SCFD2: variants seen among roughly 807,000 people sequenced by gnomAD.
The protein encoded by SCFD2 is sec1 family domain containing 2, also known as sec1 family domain-containing protein 2.
In SCFD2, 54 loss-of-function variants were observed where a neutral mutation model predicts 58.9. That is an observed-to-expected ratio of 0.92 (90% CI 0.74 to 1.15). The LOEUF is 1.15. Among genes scored for constraint, SCFD2 ranks in the 50% most tolerant of loss-of-function variants. SCFD2 has a pLI of 0.00. For synonymous variants in SCFD2, 321 were observed against 335.9 expected (o/e 0.96, Z 0.49); for missense variants, 805 against 836.6 (o/e 0.96, Z 0.47).
chr4:53,058,512 C>T (rs113728559), intron 5 of SCFD2, among the ~76,000 whole-genome samples: 1,623 of 152,204 alleles, frequency 0.011, 30 homozygotes, highest in African/African-American at 0.037. Flanking sequence ...TTGGTATCAC[C>T]TGGAAAGCTT....
At chr4:53,036,870 A>T (rs187836592) in intron 5 of SCFD2, among the ~76,000 whole-genome samples, 1 of 152,232 alleles carries the variant, frequency 6.6e-6, no homozygotes, top group Admixed American at 6.5e-5. Flanking sequence ...CATCTACATG[A>T]TTCCATTTTT....
chr4:52,978,413 A>G (rs1463918192), intron 5 of SCFD2, among the ~76,000 whole-genome samples: 1 of 152,178 alleles, frequency 6.6e-6, no homozygotes, highest in Non-Finnish European at 1.5e-5. Flanking sequence ...AATTATGTAT[A>G]TCTTAGCCCA....
rs1371822869 is a variant in SCFD2 at position 53,365,351 on chromosome 4, C to G, written c.591G>C (p.Leu197=). 8 of 1,614,078 alleles carry G rather than the reference C, an allele frequency of 5.0e-6. No individual in the cohort carries two copies. Among genetic ancestry groups the G allele is most frequent in the Non-Finnish European group, 6.8e-6 (8 of 1,180,042 alleles). Residue 197 remains leucine (L), a synonymous_variant, in exon 1 of 9, where the codon CTG becomes CTC. Coordinates refer to ENST00000401642, the MANE Select transcript of SCFD2 (RefSeq NM_152540.4). This position sits in a 1 kb window ranked among gnomAD's most constrained non-coding sequence, Gnocchi z 4.3. ...TGGAGTCCACATCACCCAGGCTTCC[C>G]AGCTTCCTCTTGTCCGGTCGGGCGC... ...LNSARPDKRK[L]GSLGDVDSTT...
intron 1 of SCFD2, among the ~76,000 whole-genome samples, chr4:53,353,771 A>T (rs1734313323): frequency 7.1e-6 from 1 of 141,114 alleles, no homozygotes; most frequent in Admixed American, 6.8e-5. Flanking sequence ...TGAGCTAGAC[A>T]CAGGGTGCTG....
intron 4 of SCFD2, among the ~76,000 whole-genome samples, chr4:53,217,607 C>T (rs1227011067): frequency 6.6e-6 from 1 of 152,136 alleles, no homozygotes; most frequent in Non-Finnish European, 1.5e-5. Context: ...ATTTGCCAGT[C>T]TGTGTCTTTT....
chr4:52,961,973 C>G (rs540428294), intron 5 of SCFD2, among the ~76,000 whole-genome samples: 47 of 152,288 alleles, frequency 3.1e-4, no homozygotes, highest in Non-Finnish European at 5.0e-4. Flanking sequence ...GAACTGACCC[C>G]ACGTTGGTGA....
At chr4:53,152,458 C>A (rs1384631518) in intron 4 of SCFD2, among the ~76,000 whole-genome samples, 1 of 152,116 alleles carries the variant, frequency 6.6e-6, no homozygotes, top group Non-Finnish European at 1.5e-5. Flanking sequence ...TGAATATTAA[C>A]ATAAACACTA....
chr4:53,054,522 A>C (rs1723269076), intron 5 of SCFD2, among the ~76,000 whole-genome samples: 1 of 152,206 alleles, frequency 6.6e-6, no homozygotes, highest in African/African-American at 2.4e-5. Flanking sequence ...ACAGGTAGCA[A>C]AGAACAAGAG....
chr4:53,307,670 T>C (rs1340757792), intron 3 of SCFD2, among the ~76,000 whole-genome samples: 1 of 152,068 alleles, frequency 6.6e-6, no homozygotes, highest in African/African-American at 2.4e-5. Context: ...AAGCAAGAGA[T>C]TGAAATTATT....
chr4:53,160,135 G>C (rs531494625), intron 4 of SCFD2, among the ~76,000 whole-genome samples: 1 of 152,326 alleles, frequency 6.6e-6, no homozygotes, highest in South Asian at 2.1e-4. Context: ...GGAAACAGAA[G>C]AGTGGTAAGA....
chr4:53,029,289 T>G (rs111240706), intron 5 of SCFD2, among the ~76,000 whole-genome samples: 4,483 of 152,302 alleles, frequency 0.029, 86 homozygotes, highest in African/African-American at 0.055. Context: ...TTCCTTAACT[T>G]TGTTCTTCTA....
At chr4:53,340,796 G>A (rs766860053) in intron 2 of SCFD2, among the ~76,000 whole-genome samples, 43 of 152,316 alleles carry the variant, frequency 2.8e-4, no homozygotes, top group Non-Finnish European at 5.0e-4. Context: ...AACATTTGCC[G>A]ATCTGCAATA....
intron 3 of SCFD2, among the ~76,000 whole-genome samples, chr4:53,304,565 C>T (rs1401127832): frequency 1.3e-5 from 2 of 151,924 alleles, no homozygotes; most frequent in Non-Finnish European, 2.9e-5. Flanking sequence ...TGCTTTATTT[C>T]ATTCAGTTCA....
At chr4:53,333,531 A>G (rs1171099952) in intron 2 of SCFD2, among the ~76,000 whole-genome samples, 2 of 151,452 alleles carry the variant, frequency 1.3e-5, no homozygotes, top group African/African-American at 4.9e-5. Context: ...TGGTGCTGGG[A>G]AAACTGGCTA....
intron 2 of SCFD2, among the ~76,000 whole-genome samples, chr4:53,332,681 C>T (rs1165060277): frequency 6.6e-6 from 1 of 152,092 alleles, no homozygotes; most frequent in African/African-American, 2.4e-5. Context: ...CTTTTGAAAA[C>T]TGGCACAAGA....
intron 4 of SCFD2, among the ~76,000 whole-genome samples, chr4:53,182,024 C>T (rs1025256627): frequency 5.3e-5 from 8 of 152,174 alleles, no homozygotes; most frequent in African/African-American, 1.9e-4. Flanking sequence ...AATGGAAGAA[C>T]ATCCCATGCT....
intron 2 of SCFD2, among the ~76,000 whole-genome samples, chr4:53,342,365 C>T (rs1481851104): frequency 1.3e-5 from 2 of 152,056 alleles, no homozygotes. Context: ...CAAAGAAGGC[C>T]ATTACATAAT....
At chr4:53,353,180 G>A (rs1178890663) in intron 1 of SCFD2, among the ~76,000 whole-genome samples, 2 of 152,132 alleles carry the variant, frequency 1.3e-5, no homozygotes, top group Non-Finnish European at 1.5e-5. Flanking sequence ...TGGTGGGTTC[G>A]TGGTCTCGCT....
At chr4:53,231,043 G>T (rs1307420765) in intron 4 of SCFD2, among the ~76,000 whole-genome samples, 1 of 152,034 alleles carries the variant, frequency 6.6e-6, no homozygotes, top group Admixed American at 6.6e-5. Flanking sequence ...GAGTGAGATG[G>T]ATGCAAATAA....
Sources: gnomAD v4.1 joint callset for allele counts (sites outside exome capture counted in the v4.1 genomes callset) on GRCh38, gnomAD v4.1.1 for gene constraint, Gnocchi (gnomAD v3.1) non-coding constraint, MANE v1.5 for transcripts, NCBI Gene and HGNC (gene_info 2026-07-23, HGNC 2026-07-21) for gene names.